The following RERE variants were observed in gnomAD, a reference collection of about 807,000 sequenced individuals.
The protein encoded by RERE is arginine-glutamic acid dipeptide repeats.
Under a neutral mutation model 146.1 loss-of-function variants are expected in RERE, and 40 were observed. That is an observed-to-expected ratio of 0.27 (90% CI 0.21 to 0.36). The LOEUF is 0.36. RERE is among the 10% of genes least tolerant of loss of function. RERE has a pLI of 1.00. For synonymous variants in RERE, 1,003 were observed against 866.0 expected (o/e 1.16, Z -2.78); for missense variants, 1,933 against 2,138.7 (o/e 0.90, Z 1.90).
chr1:8,386,012 ATATATATATATTTTTTTTTTT>A (rs1462429269), intron 12 of RERE, among the ~76,000 whole-genome samples: 7 of 44,756 alleles, frequency 1.6e-4, no homozygotes, highest in African/African-American at 6.5e-4. Context: ...ATATATATAT[ATATATATATATTTTTTTTTTT>A]TTTTTTTTTT....
At chr1:8,455,736 G>T (rs1315989425) in intron 11 of RERE, among the ~76,000 whole-genome samples, 2 of 152,162 alleles carry the variant, frequency 1.3e-5, no homozygotes, top group Non-Finnish European at 2.9e-5. Context: ...CAGGTGCTGG[G>T]CCAGGTTCTG....
chr1:8,480,226 G>A (rs562763335), intron 10 of RERE, among the ~76,000 whole-genome samples: 46 of 133,682 alleles, frequency 3.4e-4, no homozygotes, highest in African/African-American at 1.2e-3. Flanking sequence ...TGCAACCTCC[G>A]CCTCCCGGGT....
chr1:8,567,463 A>G (rs1462011780), intron 4 of RERE, among the ~76,000 whole-genome samples: 1 of 152,240 alleles, frequency 6.6e-6, no homozygotes, highest in Non-Finnish European at 1.5e-5. Context: ...ATGATGGGCA[A>G]TAATTTCAAA....
At chr1:8,794,357 CAAAAAAAAAA>C (rs34549021) in intron 1 of RERE, among the ~76,000 whole-genome samples, 5 of 40,554 alleles carry the variant, frequency 1.2e-4, no homozygotes, top group Non-Finnish European at 2.3e-4. Context: ...GACTCCGTCT[CAAAAAAAAAA>C]AAAAAAAAAA....
At chr1:8,359,651 G>A in intron 19 of RERE, 113 bp downstream of exon 19, 2 of 1,190,240 alleles carry the variant, frequency 1.7e-6, no homozygotes. Flanking sequence ...CAACCCTCTA[G>A]CTGCCAGGAG....
chr1:8,702,262 G>C (rs1391062135), intron 1 of RERE, among the ~76,000 whole-genome samples: 1 of 152,190 alleles, frequency 6.6e-6, no homozygotes, highest in African/African-American at 2.4e-5. Flanking sequence ...GTGTGGCTGA[G>C]AGGCCTCCAG....
At chr1:8,690,922 G>A (rs181410729) in intron 1 of RERE, among the ~76,000 whole-genome samples, 9 of 151,328 alleles carry the variant, frequency 5.9e-5, no homozygotes, top group East Asian at 3.9e-4. Flanking sequence ...TTTTTGAGAC[G>A]GTGTCTCGCT....
chr1:8,669,415 T>C (rs1638663674), intron 1 of RERE, among the ~76,000 whole-genome samples: 1 of 152,146 alleles, frequency 6.6e-6, no homozygotes, highest in Non-Finnish European at 1.5e-5. Context: ...ACACTTTAAA[T>C]AGGTAAATTA....
chr1:8,654,060 G>C (rs1360530430), intron 2 of RERE, among the ~76,000 whole-genome samples: 1 of 151,020 alleles, frequency 6.6e-6, no homozygotes, highest in African/African-American at 2.4e-5. Flanking sequence ...GAGGGGTGGA[G>C]ACAGGGTTTT....
intron 12 of RERE, among the ~76,000 whole-genome samples, chr1:8,422,107 A>G (rs529747294): frequency 1.1e-4 from 16 of 152,344 alleles, no homozygotes; most frequent in Non-Finnish European, 2.1e-4. Context: ...CCTCACGTTT[A>G]TCGGGCACAT....
intron 10 of RERE, among the ~76,000 whole-genome samples, chr1:8,468,312 A>C (rs1644631296): frequency 6.6e-6 from 1 of 152,236 alleles, no homozygotes; most frequent in Non-Finnish European, 1.5e-5. Flanking sequence ...AGACGTATAA[A>C]AAGATCTGAA....
chr1:8,401,037 C>CATATATATA (rs1557611624), intron 12 of RERE, among the ~76,000 whole-genome samples: 2 of 5,612 alleles, frequency 3.6e-4, no homozygotes, highest in Non-Finnish European at 1.3e-3. Context: ...AAAAAAAAAA[C>CATATATATA]CATATATATA....
At chr1:8,414,290 T>C (rs1213503190) in intron 12 of RERE, among the ~76,000 whole-genome samples, 2 of 152,120 alleles carry the variant, frequency 1.3e-5, no homozygotes, top group African/African-American at 4.8e-5. Flanking sequence ...CTCACACCTG[T>C]AATCCCAGCA....
chr1:8,609,063 C>T (rs1246738059), intron 4 of RERE, among the ~76,000 whole-genome samples: 1 of 152,014 alleles, frequency 6.6e-6, no homozygotes, highest in Non-Finnish European at 1.5e-5. Flanking sequence ...ACTAAAAATA[C>T]AAAAATTAGC....
chr1:8,514,413 G>C (rs948093687), intron 7 of RERE, among the ~76,000 whole-genome samples: 1 of 152,178 alleles, frequency 6.6e-6, no homozygotes, highest in East Asian at 1.9e-4. Flanking sequence ...CTTTTAAGTC[G>C]GGAAGCCAAG....
chr1:8,390,308 C>G (rs2124424326), intron 12 of RERE, among the ~76,000 whole-genome samples: 1 of 152,266 alleles, frequency 6.6e-6, no homozygotes, highest in African/African-American at 2.4e-5. Context: ...AGTCGTCACC[C>G]CACCCCAGGT....
At position 8,364,076 on chromosome 1, in the gene RERE, T is replaced by C. The variant is rs765239136; in HGVS notation, c.1720A>G (p.Thr574Ala). ...DGLSGKHSMR[T>A]RRSRGSMSTL... ...CTCACCGAGCCCCGACTCCGCCGTG[T>C]CCTCATGCTATGCTTCCCACTGAGC... Residue 574 changes from threonine (T) to alanine (A), a missense_variant, in exon 15 of 23, where the codon ACA (threonine) becomes GCA (alanine). By Grantham distance (58) the Thr-to-Ala change is moderately conservative. Around this residue, in one of 11 missense-constraint regions of RERE, gnomAD observed 1,255 missense variants for 1,153.8 expected, o/e 1.09. Transcript: ENST00000400908. The surrounding 1 kb of genome is among the most constrained non-coding windows in gnomAD (Gnocchi z 5.1). The C allele has an allele frequency of 8.7e-6, 14 of 1,614,136 alleles. No homozygotes were observed. Among genetic ancestry groups the C allele is most frequent in the Non-Finnish European group, 1.2e-5 (14 of 1,180,018 alleles).
chr1:8,367,489 C>CACTGGACGTGT (rs1641856724), intron 12 of RERE, among the ~76,000 whole-genome samples: 1 of 152,238 alleles, frequency 6.6e-6, no homozygotes, highest in Non-Finnish European at 1.5e-5. Context: ...TCTCCTGGAG[C>CACTGGACGTGT]ACTGGACGTG....
chr1:8,556,267 AAG>A lies in RERE; in HGVS notation c.725+206_725+207del, dbSNP rs1329716009. On this transcript the variant is annotated intron_variant, in intron 6 of 22. Transcript: ENST00000400908. ...AAAAAGTAAATTATCAAAAAAAAAA[AAG>A]AGAGAGAGAAGTAAAGCTAGATTAG... Among the ~76,000 whole-genome samples, 8 of 152,274 alleles carry A rather than the reference AAG, an allele frequency of 5.3e-5. No individual in the cohort carries two copies. In the East Asian group the frequency reaches 1.3e-3, roughly 26 times the overall value.
Sources: allele counts gnomAD v4.1 joint callset (sites outside exome capture counted in the v4.1 genomes callset), GRCh38; gene constraint gnomAD v4.1.1; regional missense constraint gnomAD v4.1.1; non-coding constraint Gnocchi (gnomAD v3.1); transcripts MANE v1.5; gene names NCBI Gene and HGNC (gene_info 2026-07-23, HGNC 2026-07-21).